TMEM178A: variants seen among roughly 807,000 people sequenced by gnomAD.
TMEM178A encodes the protein transmembrane protein 178.
Under a neutral mutation model 29.1 loss-of-function variants are expected in TMEM178A, and 12 were observed. The ratio of observed to expected loss-of-function variants is 0.41; its 90% CI spans 0.26 to 0.67. TMEM178A has a LOEUF of 0.67. TMEM178A is among the 30% of genes least tolerant of loss of function. The probability of loss-of-function intolerance (pLI) is 0.29; values close to 1 mark genes in which losing one functional copy is unlikely to be tolerated. For missense variants in TMEM178A, 366 were observed against 419.1 expected, an observed-to-expected ratio of 0.87 and a Z score of 1.11; for synonymous variants, 210 against 187.2, an observed-to-expected ratio of 1.12 and a Z score of -0.99.
At chr2:39,726,558 A>G in the TMEM178A span, among the ~76,000 whole-genome samples, 1 of 152,214 alleles carries the variant, frequency 6.6e-6, no homozygotes, top group African/African-American at 2.4e-5. Flanking sequence ...TAAGAGTGAT[A>G]AAATCTGGCT....
chr2:39,666,604 C>T (rs1280282687), intron 1 of TMEM178A, among the ~76,000 whole-genome samples: 1 of 152,112 alleles, frequency 6.6e-6, no homozygotes, highest in East Asian at 1.9e-4. Flanking sequence ...CCTGCGCGTC[C>T]TTTCAAGTCC....
Position 39,696,350 on chromosome 2 carries a change from T to A in TMEM178A, c.401-7731T>A, listed in dbSNP as rs1219362627. Among the ~76,000 whole-genome samples the A allele has an allele frequency of 2.6e-5, 4 of 152,306 alleles. No individual in the cohort carries two copies. In the Middle Eastern group the frequency reaches 0.01, roughly 389 times the overall value. ...TGTGATGACCATTTAAGGTGCAGACTCCTGGTGTGTGGCAGTGGTTCTGTA... is the reference window on the plus strand; with the variant it reads ...TGTGATGACCATTTAAGGTGCAGACACCTGGTGTGTGGCAGTGGTTCTGTA... On this transcript the variant is annotated intron_variant, in intron 1 of 3. Transcript: ENST00000281961.
chr2:39,666,125 G>GA lies in TMEM178A; in HGVS notation c.152dup (p.Asp51GlufsTer108). 6.5e-7 allele frequency: 1 copy of GA among 1,542,272 alleles called. No homozygotes were observed. Among genetic ancestry groups the GA allele is most frequent in the South Asian group, 1.2e-5 (1 of 83,586 alleles). On this transcript the variant is annotated frameshift_variant, in exon 1 of 4. Coordinates refer to ENST00000281961, the MANE Select transcript of TMEM178A (RefSeq NM_152390.3). LOFTEE classifies it high-confidence loss of function. ...CTGCGAGCGCAGCCGCGCGGGCGCC[G>GA]ACCCCCCGGACCAGAAGAACCGCCT...
chr2:39,720,926 T>TTA (rs1347001080), downstream of TMEM178A, among the ~76,000 whole-genome samples: 4 of 152,224 alleles, frequency 2.6e-5, no homozygotes, highest in African/African-American at 9.6e-5. Flanking sequence ...TTAAAATGTG[T>TTA]TATGAACTAC....
chr2:39,717,325 C>G lies in TMEM178A; in HGVS notation c.*74C>G. 4 of 1,531,438 alleles carry G rather than the reference C, an allele frequency of 2.6e-6. No homozygotes were observed. Among genetic ancestry groups the G allele is most frequent in the Non-Finnish European group, 2.6e-6 (3 of 1,139,496 alleles). 94.9% of individuals were successfully genotyped at this position (1,531,438 alleles called of 1,614,324 possible). A position where few individuals can be genotyped will look rare whatever the true frequency, so the allele number is the denominator to read the frequency against. ...AGCGCGGAGTTCAGGAGTCCAAGCACAAAGCGGTCTTTTACATTCCAACCT... is the reference window on the plus strand; with the variant it reads ...AGCGCGGAGTTCAGGAGTCCAAGCAGAAAGCGGTCTTTTACATTCCAACCT... On this transcript the variant is annotated 3_prime_UTR_variant, in exon 4 of 4. Coordinates refer to ENST00000281961, the MANE Select transcript of TMEM178A (RefSeq NM_152390.3).
At chr2:39,704,349 C>T (rs1671933792) in intron 2 of TMEM178A, among the ~76,000 whole-genome samples, 155 bp downstream of exon 2, 1 of 152,150 alleles carries the variant, frequency 6.6e-6, no homozygotes, top group Non-Finnish European at 1.5e-5. Context: ...AGGATCATTT[C>T]CCTATGCTGT....
intron 2 of TMEM178A, among the ~76,000 whole-genome samples, chr2:39,704,699 ATG>A (rs1671947059): frequency 6.6e-6 from 1 of 152,224 alleles, no homozygotes. Flanking sequence ...TGTCAGGAAA[ATG>A]TGAAACTCTA....
At position 39,702,789 on chromosome 2, in the gene TMEM178A, G is replaced by C. The variant is rs936224022; in HGVS notation, c.401-1292G>C. On this transcript the variant is annotated intron_variant, in intron 1 of 3. Transcript: ENST00000281961. The stretch of plus-strand genomic sequence containing the variant: ...ATAGTTTGGGTAGTTTTTCTCAAAG[G>C]GAGATTCAGAGACTACCTGCATCAG... Among the ~76,000 whole-genome samples, 10 of 152,148 alleles carry C rather than the reference G, an allele frequency of 6.6e-5. No homozygotes were observed. The East Asian group carries it at 1.4e-3, about 21-fold the overall frequency.
intron 1 of TMEM178A, among the ~76,000 whole-genome samples, chr2:39,674,095 T>A (rs1266826787): frequency 6.6e-6 from 1 of 152,160 alleles, no homozygotes; most frequent in Non-Finnish European, 1.5e-5. Flanking sequence ...GGAAGTTTGG[T>A]TGAAGGAAGC....
In TMEM178A at chr2:39,666,189, C is replaced by CGCT; in HGVS notation, c.217_219dup (p.Leu73dup). On this transcript the variant is annotated inframe_insertion, in exon 1 of 4. Transcript: ENST00000281961. ...CACCTGCCGCTGCGGGACTCGCCCC[C>CGCT]GCTGGGGCGCCGGCTGCTCCCGGGC... The CGCT allele has an allele frequency of 1.4e-6, 2 of 1,443,994 alleles. No homozygotes were observed. Among genetic ancestry groups the CGCT allele is most frequent in the Non-Finnish European group, 1.8e-6 (2 of 1,102,742 alleles). 89.4% of individuals were successfully genotyped at this position (1,443,994 alleles called of 1,614,324 possible).
chr2:39,682,482 C>T (rs906878496), intron 1 of TMEM178A, among the ~76,000 whole-genome samples: 9 of 151,880 alleles, frequency 5.9e-5, no homozygotes, highest in South Asian at 4.2e-4. Context: ...CTCTGGCTGT[C>T]CCTTTGAATA....
chr2:39,704,867 A>G (rs1259556337), intron 2 of TMEM178A, among the ~76,000 whole-genome samples: 1 of 152,248 alleles, frequency 6.6e-6, no homozygotes, highest in African/African-American at 2.4e-5. Flanking sequence ...TCATTTTCCA[A>G]TGAAATAAGT....
At chr2:39,730,686 A>G in the TMEM178A span, among the ~76,000 whole-genome samples, 1 of 152,188 alleles carries the variant, frequency 6.6e-6, no homozygotes, top group Non-Finnish European at 1.5e-5. Context: ...GGTATGGAAT[A>G]TGTCTTGACT....
chr2:39,666,127 C>A lies in TMEM178A; in HGVS notation c.153C>A (p.Asp51Glu), dbSNP rs573490688. ...ESCERSRAGA[D>E]PPDQKNRLMP... ...GCGAGCGCAGCCGCGCGGGCGCCGA[C>A]CCCCCGGACCAGAAGAACCGCCTGA... Residue 51 changes from aspartate to glutamate, a missense_variant, in exon 1 of 4, where the codon GAC becomes GAA. Coordinates refer to ENST00000281961, the MANE Select transcript of TMEM178A (RefSeq NM_152390.3). 29 of 1,542,644 alleles carry A rather than the reference C, an allele frequency of 1.9e-5. No individual in the cohort carries two copies. The highest frequency in any genetic ancestry group is 2.4e-5 in the Non-Finnish European group (28 of 1,150,570).
At chr2:39,671,964 C>G (rs1466896729) in intron 1 of TMEM178A, among the ~76,000 whole-genome samples, 3 of 152,134 alleles carry the variant, frequency 2.0e-5, no homozygotes, top group African/African-American at 7.2e-5. Flanking sequence ...ATTTCTGTAC[C>G]AATTCTGACA....
At chr2:39,685,532 G>A (rs1671041371) in intron 1 of TMEM178A, among the ~76,000 whole-genome samples, 1 of 152,092 alleles carries the variant, frequency 6.6e-6, no homozygotes, top group South Asian at 2.1e-4. Context: ...TCATTTTATA[G>A]GTAGGATTGA....
Position 39,714,057 on chromosome 2 carries a change from T to C in TMEM178A, c.653-2953T>C, listed in dbSNP as rs76914540. 6.4e-3 allele frequency among the ~76,000 whole-genome samples: 973 copies of C among 152,324 alleles called. 9 individuals are homozygous for C. The highest frequency in any genetic ancestry group is 0.021 in the African/African-American group (885 of 41,582). On this transcript the variant is annotated intron_variant, in intron 3 of 3. Transcript: ENST00000281961. ...ATCATTGTGGTGGCAGCTATGCATGTGCAAACATTCTTAGAAATGCGAGGG... is the reference window on the plus strand; with the variant it reads ...ATCATTGTGGTGGCAGCTATGCATGCGCAAACATTCTTAGAAATGCGAGGG...
At chr2:39,673,917 G>T (rs566554371) in intron 1 of TMEM178A, among the ~76,000 whole-genome samples, 1 of 152,186 alleles carries the variant, frequency 6.6e-6, no homozygotes, top group African/African-American at 2.4e-5. Context: ...AAAAACAGGG[G>T]TGGTCCCATG....
At chr2:39,669,649 C>G (rs948694170) in intron 1 of TMEM178A, among the ~76,000 whole-genome samples, 2 of 152,204 alleles carry the variant, frequency 1.3e-5, no homozygotes, top group Non-Finnish European at 2.9e-5. Flanking sequence ...TTGATACGCT[C>G]ATTAAGAACC....
Sources: gnomAD v4.1 joint callset for allele counts (sites outside exome capture counted in the v4.1 genomes callset) on GRCh38, gnomAD v4.1.1 for gene constraint, MANE v1.5 for transcripts, NCBI Gene and HGNC (gene_info 2026-07-23, HGNC 2026-07-21) for gene names.